Variants in DDX41 observed in about 807,000 individuals in gnomAD.
DDX41 encodes the protein DEAD-box helicase 41.
Under a neutral mutation model 78.8 loss-of-function variants are expected in DDX41, and 50 were observed. The observed-to-expected ratio is 0.63, with a 90% CI of 0.51 to 0.80. The LOEUF (loss-of-function observed/expected upper bound fraction) is 0.80. Ranked by LOEUF, DDX41 falls within the 30% of genes least tolerant of loss-of-function variation. The probability of loss-of-function intolerance (pLI) is 0.00; values close to 1 mark genes in which losing one functional copy is unlikely to be tolerated. For synonymous variants in DDX41, 381 were observed against 321.5 expected, an observed-to-expected ratio of 1.19 and a Z score of -1.98; for missense variants, 633 against 849.2, an observed-to-expected ratio of 0.75 and a Z score of 3.16.
In DDX41 at chr5:177,513,442, T is replaced by A. The variant is rs144057590; in HGVS notation, c.1141A>T (p.Lys381Ter). 4 of 1,614,180 alleles carry A rather than the reference T, an allele frequency of 2.5e-6. No individual in the cohort carries two copies. Among genetic ancestry groups the A allele is most frequent in the Non-Finnish European group, 3.4e-6 (4 of 1,180,040 alleles). Residue 381 changes from lysine to a stop codon, truncating the protein, a stop_gained, in exon 11 of 17, where the codon AAG becomes TAG. Transcript: ENST00000330503. LOFTEE classifies it high-confidence loss of function. The surrounding 1 kb of genome is among the most constrained non-coding windows in gnomAD (Gnocchi z 4.6). ...TLLFSATMPK[K>*]IQNFAKSALV... The stretch of plus-strand genomic sequence containing the variant: ...GCACTCTTAGCAAAGTTCTGAATCT[T>A]CTTCGGCATGGTGGCACTGAAGAGC...
rs28695578 is a variant in DDX41, at chr5:177,511,680, C to T, written c.*111G>A. The T allele has an allele frequency of 1, 1,476,104 of 1,481,514 alleles. 735,540 individuals are homozygous for T. Among genetic ancestry groups the T allele is most frequent in the East Asian group, 1 (43,760 of 43,760 alleles). 91.8% of individuals were successfully genotyped at this position (1,481,514 alleles called of 1,614,324 possible). A position where few individuals can be genotyped will look rare whatever the true frequency, so the allele number is the denominator to read the frequency against. On this transcript the variant is annotated 3_prime_UTR_variant, in exon 17 of 17. Transcript: ENST00000330503. ...GGCAGCCAGGACCAGCCTGGCCCAT[C>T]CCAGGCCAGCTGAGCTGAAATGCTG... is the stretch of plus-strand genomic sequence containing the variant.
Position 177,513,788 on chromosome 5 carries a change from A to T in DDX41, c.995T>A (p.Met332Lys). Residue 332 changes from methionine to lysine, a missense_variant, in exon 10 of 17, where the codon ATG (methionine) becomes AAG (lysine). Transcript: ENST00000330503. The surrounding 1 kb of genome is among the most constrained non-coding windows in gnomAD (Gnocchi z 4.6). ...GRLMDLLQKK[M>K]VSLDICRYLA... ...GTAGCGACAGATGTCTAGGCTGACC[A>T]TCTTCTTCTGCAGCAAATCCATGAG... 1 of 1,613,842 alleles carries T rather than the reference A, an allele frequency of 6.2e-7. No homozygotes were observed. Among genetic ancestry groups the T allele is most frequent in the Non-Finnish European group, 8.5e-7 (1 of 1,180,014 alleles).
At position 177,516,394 on chromosome 5, in the gene DDX41, C is replaced by G; in HGVS notation, c.192G>C (p.Gln64His). Residue 64 changes from glutamine to histidine, a missense_variant, in exon 3 of 17, where the codon CAG (glutamine) becomes CAC (histidine). This residue lies in a region of DDX41 where 140 missense variants were observed against 115.2 expected (regional missense o/e 1.22). Coordinates refer to ENST00000330503, the MANE Select transcript of DDX41 (RefSeq NM_016222.4). ...RRKGAAEEEQ[Q>H]DSGSEPRGDE... is the part of the protein sequence containing the mutation. ...CTCCCCGGGGTTCACTACCGCTGTC[C>G]TGCTGCTCTTCCTCCGCAGCTCCCT... is the stretch of plus-strand genomic sequence containing the variant. 9.3e-6 allele frequency: 15 copies of G among 1,613,986 alleles called. No individual in the cohort carries two copies. Among genetic ancestry groups the G allele is most frequent in the Non-Finnish European group, 1.2e-5 (14 of 1,180,030 alleles).
chr5:177,511,988 G>A (rs540083473), intron 16 of DDX41, 61 bp from the exon 17 acceptor site: 28 of 1,606,710 alleles, frequency 1.7e-5, no homozygotes, highest in South Asian at 7.7e-5. Flanking sequence ...CCTGGACTTC[G>A]GGCCCCCCGT....
rs772000036 is a variant in DDX41, at chr5:177,516,902, T to G, written c.27+17A>C. On this transcript the variant is annotated intron_variant, in intron 1 of 16. Coordinates refer to ENST00000330503, the MANE Select transcript of DDX41 (RefSeq NM_016222.4). ...CACGCCCGCTCCCACACGCGCGGGG[T>G]CTCGCCTCTCTCCTACCTTCCGTTC... 1.9e-6 allele frequency: 3 copies of G among 1,613,122 alleles called. No homozygotes were observed. The highest frequency in any genetic ancestry group is 2.5e-6 in the Non-Finnish European group (3 of 1,179,968).
In DDX41 at chr5:177,514,815, T is replaced by TG; in HGVS notation, c.820dup (p.His274ProfsTer74). ...GCGGCAGTAGTACTCCAGGATGCCATGGGTCTGCCGGGCCAGCTCCCGCTG... is the reference window on the plus strand; with the variant it reads ...GCGGCAGTAGTACTCCAGGATGCCATGGGGTCTGCCGGGCCAGCTCCCGCTG... On this transcript the variant is annotated frameshift_variant, in exon 9 of 17. Coordinates refer to ENST00000330503, the MANE Select transcript of DDX41 (RefSeq NM_016222.4). LOFTEE classifies it high-confidence loss of function. The surrounding 1 kb of genome is among the most constrained non-coding windows in gnomAD (Gnocchi z 4.2). 6.2e-7 allele frequency: 1 copy of TG among 1,612,354 alleles called. No individual in the cohort carries two copies.
chr5:177,513,765 A>T lies in DDX41; in HGVS notation c.1018T>A (p.Tyr340Asn). Residue 340 changes from tyrosine (Y) to asparagine (N), a missense_variant, in exon 10 of 17, where the codon TAC becomes AAC. Transcript: ENST00000330503. The surrounding 1 kb of genome is among the most constrained non-coding windows in gnomAD (Gnocchi z 4.6). ...CGGTCAGCCTCGTCCAGGGCCAGGT[A>T]GCGACAGATGTCTAGGCTGACCATC... ...KKMVSLDICR[Y>N]LALDEADRMI... 6.2e-7 allele frequency: 1 copy of T among 1,613,872 alleles called. No homozygotes were observed. Among genetic ancestry groups the T allele is most frequent in the Non-Finnish European group, 8.5e-7 (1 of 1,179,996 alleles).
chr5:177,514,657 C>A lies in DDX41; in HGVS notation c.935+44G>T. 6.3e-7 allele frequency: 1 copy of A among 1,584,790 alleles called. No homozygotes were observed. Among genetic ancestry groups the A allele is most frequent in the Middle Eastern group, 1.7e-4 (1 of 5,956 alleles). On this transcript the variant is annotated intron_variant, in intron 9 of 16. Coordinates refer to ENST00000330503, the MANE Select transcript of DDX41 (RefSeq NM_016222.4). This position sits in a 1 kb window ranked among gnomAD's most constrained non-coding sequence, Gnocchi z 4.2. Reference sequence around the variant, plus strand: ...AAGGGTCCTTTAGCTTTTCCACAGACTCGCAGGTGGCAGAGGTGGGGGGCA... The same window carrying A: ...AAGGGTCCTTTAGCTTTTCCACAGAATCGCAGGTGGCAGAGGTGGGGGGCA...
chr5:177,513,774 T>C lies in DDX41; in HGVS notation c.1009A>G (p.Ile337Val), dbSNP rs1218515094. The change falls in exon 10 of 17, where the codon ATC becomes GTC. Residue 337 changes from isoleucine (I) to valine (V), a missense_variant. Physicochemically the swap from Ile to Val is conservative, Grantham distance 29. Transcript: ENST00000330503. This position sits in a 1 kb window ranked among gnomAD's most constrained non-coding sequence, Gnocchi z 4.6. ...TCGTCCAGGGCCAGGTAGCGACAGA[T>C]GTCTAGGCTGACCATCTTCTTCTGC... ...LLQKKMVSLDICRYLALDEAD... is the reference protein window; with the variant it reads ...LLQKKMVSLDVCRYLALDEAD... The C allele has an allele frequency of 1.9e-6, 3 of 1,613,794 alleles. No homozygotes were observed. Among genetic ancestry groups the C allele is most frequent in the South Asian group, 1.1e-5 (1 of 91,078 alleles).
In DDX41 at chr5:177,514,367, G is replaced by A. The variant is rs1761125074; in HGVS notation, c.935+334C>T. The A allele has an allele frequency of 8.7e-6, 4 of 461,696 alleles. No homozygotes were observed. Among genetic ancestry groups the A allele is most frequent in the Non-Finnish European group, 1.6e-5 (4 of 246,770 alleles). The allele number at this position is 461,696 out of a possible 1,614,324, so 28.6% of individuals were successfully genotyped here. On this transcript the variant is annotated intron_variant, in intron 9 of 16. Coordinates refer to ENST00000330503, the MANE Select transcript of DDX41 (RefSeq NM_016222.4). This position sits in a 1 kb window ranked among gnomAD's most constrained non-coding sequence, Gnocchi z 4.2. ...CCTTGACTGACCACTGAATGACCCT[G>A]ACCTTCCTGGGCCGTCCGCCTCTGT...
intron 16 of DDX41, 44 bp downstream of exon 16, chr5:177,512,052 G>C: frequency 6.2e-7 from 1 of 1,608,512 alleles, no homozygotes; most frequent in Non-Finnish European, 8.5e-7. Context: ...ACCCCTCCTT[G>C]CCACCTGCCG....
Position 177,512,406 on chromosome 5 carries a change from G to A in DDX41, c.1550-13C>T. The A allele has an allele frequency of 6.2e-7, 1 of 1,614,110 alleles. No homozygotes were observed. The highest frequency in any genetic ancestry group is 8.5e-7 in the Non-Finnish European group (1 of 1,180,026). On this transcript the variant is annotated splice_polypyrimidine_tract_variant and intron_variant, in intron 14 of 16. Transcript: ENST00000330503. Reference sequence around the variant, plus strand: ...CCAATCCGGTGTACTGCAGAGAGAAGGACAGAGTCTCTGGCCCATCGCTGG... The same window carrying A: ...CCAATCCGGTGTACTGCAGAGAGAAAGACAGAGTCTCTGGCCCATCGCTGG...
chr5:177,515,083 A>G lies in DDX41; in HGVS notation c.645-14T>C. The G allele has an allele frequency of 6.2e-7, 1 of 1,611,730 alleles. No homozygotes were observed. Among genetic ancestry groups the G allele is most frequent in the Non-Finnish European group, 8.5e-7 (1 of 1,178,016 alleles). On this transcript the variant is annotated splice_polypyrimidine_tract_variant and intron_variant, in intron 7 of 16. Coordinates refer to ENST00000330503, the MANE Select transcript of DDX41 (RefSeq NM_016222.4). ...CGGCCAGATAGACTGTTGGGAGAGGATGACCCGAGGGCCAATTTCAACAGA... is the reference window on the plus strand; with the variant it reads ...CGGCCAGATAGACTGTTGGGAGAGGGTGACCCGAGGGCCAATTTCAACAGA...
chr5:177,515,484 C>T, intron 6 of DDX41: 1 of 883,614 alleles, frequency 1.1e-6, no homozygotes, highest in Non-Finnish European at 1.8e-6. Context: ...TGGCACTTTC[C>T]TCCTGAAGCT....
In DDX41 at chr5:177,512,505, C is replaced by G; in HGVS notation, c.1540G>C (p.Glu514Gln). 6.2e-7 allele frequency: 1 copy of G among 1,614,170 alleles called. No individual in the cohort carries two copies. The highest frequency in any genetic ancestry group is 2.2e-5 in the East Asian group (1 of 44,870). The change falls in exon 14 of 17, where the codon GAG becomes CAG. Residue 514 changes from glutamate to glutamine, a missense_variant. By Grantham distance (29) the Glu-to-Gln change is conservative. This residue lies in a region of DDX41 where 185 missense variants were observed against 367.4 expected (regional missense o/e 0.50). Transcript: ENST00000330503. ...GGCCCCAGGCTCTTACCATAGTTCT[C>G]AATCTCCTCTGGCATGTCATAATTG... ...VINYDMPEEI[E>Q]NYVHRIGRTG... is the part of the protein sequence containing the mutation.
intron 2 of DDX41, 132 bp downstream of exon 2, chr5:177,516,593 C>G (rs1761245282): frequency 3.6e-6 from 5 of 1,381,520 alleles, no homozygotes; most frequent in Non-Finnish European, 5.0e-6. Flanking sequence ...CCTCGTTTGT[C>G]TGGGGGCCGC....
chr5:177,514,987 A>G lies in DDX41; in HGVS notation c.727T>C (p.Cys243Arg), dbSNP rs1761157129. ...GGTAACCTCTTCTCTTGTTCCAGGC[A>G]GAACATGATGACGGGCAACGTGAAC... is the stretch of plus-strand genomic sequence containing the variant. Reference protein sequence around the residue: ...LVFTLPVIMFCLEQEKRLPFS... With the variant: ...LVFTLPVIMFRLEQEKRLPFS... Residue 243 changes from cysteine (C) to arginine (R), a missense_variant, in exon 8 of 17, where the codon TGC becomes CGC. Coordinates refer to ENST00000330503, the MANE Select transcript of DDX41 (RefSeq NM_016222.4). This position sits in a 1 kb window ranked among gnomAD's most constrained non-coding sequence, Gnocchi z 4.2. 6.2e-7 allele frequency: 1 copy of G among 1,613,756 alleles called. No individual in the cohort carries two copies. Among genetic ancestry groups the G allele is most frequent in the South Asian group, 1.1e-5 (1 of 91,092 alleles).
chr5:177,515,851 C>T, intron 5 of DDX41, 30 bp from the exon 6 acceptor site: 3 of 1,614,138 alleles, frequency 1.9e-6, no homozygotes, highest in Middle Eastern at 1.6e-4. Flanking sequence ...ATCAAGAGAG[C>T]CCTGGGAATA....
chr5:177,516,546 G>A (rs757100638), intron 2 of DDX41, 99 bp from the exon 3 acceptor site: 117 of 1,498,700 alleles, frequency 7.8e-5, no homozygotes, highest in Middle Eastern at 2.1e-4. Context: ...TGCCCGAGGC[G>A]CAAAGCTGCC....
Sources: allele counts gnomAD v4.1 joint callset, GRCh38; gene constraint gnomAD v4.1.1; regional missense constraint gnomAD v4.1.1; non-coding constraint Gnocchi (gnomAD v3.1); transcripts MANE v1.5; gene names NCBI Gene and HGNC (gene_info 2026-07-23, HGNC 2026-07-21).